Variants in PIGN observed in about 807,000 individuals in gnomAD.
PIGN encodes the protein phosphatidylinositol glycan anchor biosynthesis class N.
Under a neutral mutation model 125.4 loss-of-function variants are expected in PIGN, and 117 were observed. That is an observed-to-expected ratio of 0.93 (90% CI 0.80 to 1.09). The LOEUF is 1.09. PIGN is among the 50% of genes least tolerant of loss of function. The pLI, the probability that PIGN is intolerant of heterozygous loss-of-function variation, is 0.00. For synonymous variants in PIGN, 392 were observed against 377.8 expected, an observed-to-expected ratio of 1.04 and a Z score of -0.44; for missense variants, 1,075 against 1,094.9, an observed-to-expected ratio of 0.98 and a Z score of 0.26.
intron 12 of PIGN, 121 bp downstream of exon 12, chr18:62,140,299 T>C (rs1055629074): frequency 1.2e-5 from 6 of 493,866 alleles, no homozygotes; most frequent in African/African-American, 6.1e-5. Context: ...CTGGGCAACA[T>C]AGCAAGACCC....
At chr18:62,079,902 G>C (rs2033366096) in intron 28 of PIGN, among the ~76,000 whole-genome samples, 1 of 152,068 alleles carries the variant, frequency 6.6e-6, no homozygotes, top group Non-Finnish European at 1.5e-5. Flanking sequence ...TGATTTAATA[G>C]AGTACCCACA....
At chr18:62,081,631 T>C (rs943343229) in intron 28 of PIGN, among the ~76,000 whole-genome samples, 1 of 152,148 alleles carries the variant, frequency 6.6e-6, no homozygotes, top group Non-Finnish European at 1.5e-5. Context: ...TCATTCCACA[T>C]GTCCCCAGCT....
intron 14 of PIGN, chr18:62,137,098 C>A: frequency 2.5e-6 from 1 of 398,640 alleles, no homozygotes; most frequent in South Asian, 1.3e-4. Context: ...ATCATCTAAT[C>A]AGCTGCCAGC....
chr18:62,185,918 C>T (rs1458651883), intron 1 of PIGN, among the ~76,000 whole-genome samples: 1 of 152,124 alleles, frequency 6.6e-6, no homozygotes, highest in Non-Finnish European at 1.5e-5. Context: ...GTTCTAAGTT[C>T]CAAAACCTTG....
At chr18:62,048,369 C>G (rs558675832) in intron 30 of PIGN, among the ~76,000 whole-genome samples, 2 of 152,028 alleles carry the variant, frequency 1.3e-5, no homozygotes, top group African/African-American at 2.4e-5. Flanking sequence ...AAGGTAAACC[C>G]AAAGCAATCC....
chr18:62,160,122 A>G (rs2036893236), intron 4 of PIGN, among the ~76,000 whole-genome samples: 1 of 152,162 alleles, frequency 6.6e-6, no homozygotes, highest in Non-Finnish European at 1.5e-5. Flanking sequence ...CAAAAAAAAG[A>G]AAAAGAAAAA....
chr18:62,156,126 GAAAAT>G (rs1220915971), intron 6 of PIGN, among the ~76,000 whole-genome samples: 1 of 151,984 alleles, frequency 6.6e-6, no homozygotes, highest in Non-Finnish European at 1.5e-5. Flanking sequence ...ACTGATTTTA[GAAAAT>G]AATATAAATG....
At chr18:62,141,159 T>C (rs1038251696) in intron 11 of PIGN, among the ~76,000 whole-genome samples, 1 of 152,228 alleles carries the variant, frequency 6.6e-6, no homozygotes, top group Non-Finnish European at 1.5e-5. Context: ...TAAGTCCTTA[T>C]AATTTTTCAG....
intron 10 of PIGN, 23 bp from the exon 11 acceptor site, chr18:62,143,369 A>C (rs2036205807): frequency 7.1e-7 from 1 of 1,415,568 alleles, no homozygotes; most frequent in African/African-American, 1.4e-5. Flanking sequence ...ATCAGACACA[A>C]GATCTGATGT....
intron 1 of PIGN, among the ~76,000 whole-genome samples, chr18:62,170,638 G>T (rs940666485): frequency 1.3e-5 from 2 of 152,052 alleles, no homozygotes; most frequent in Non-Finnish European, 2.9e-5. Context: ...ACCCTACAAT[G>T]GCATCCTAAG....
chr18:62,158,271 T>C (rs931844), intron 4 of PIGN, among the ~76,000 whole-genome samples: 82,114 of 152,044 alleles, frequency 0.54, 24,256 homozygotes, highest in East Asian at 0.78. Flanking sequence ...CATACATGGG[T>C]ACCCCTGTGG....
chr18:62,104,622 A>G (rs2034568661), intron 20 of PIGN, among the ~76,000 whole-genome samples: 1 of 152,172 alleles, frequency 6.6e-6, no homozygotes. Flanking sequence ...TTCCTGGTCT[A>G]TTGCATATTG....
At chr18:62,125,155 CATGTTTGTACATATGTGTATATAA>C (rs2035477204) in intron 14 of PIGN, among the ~76,000 whole-genome samples, 21 of 53,942 alleles carry the variant, frequency 3.9e-4, no homozygotes, top group Admixed American at 9.4e-4. Flanking sequence ...TGTGTATATA[CATGTTTGTACATATGTGTATATAA>C]ATATACACGT....
chr18:62,103,523 T>C (rs1182290125), intron 20 of PIGN: 3 of 152,202 alleles, frequency 2.0e-5, no homozygotes, highest in East Asian at 1.9e-4. Context: ...AGGTATAGTA[T>C]GTTTCCTAAA....
At chr18:62,056,168 A>AAATGC (rs2031714249) in intron 30 of PIGN, among the ~76,000 whole-genome samples, 1 of 151,382 alleles carries the variant, frequency 6.6e-6, no homozygotes, top group Non-Finnish European at 1.5e-5. Flanking sequence ...AGCAAAACCA[A>AAATGC]AATGCCAAAG....
chr18:62,020,358 T>C (rs1196300339), intron 23 of PIGN, among the ~76,000 whole-genome samples: 2 of 152,186 alleles, frequency 1.3e-5, no homozygotes, highest in East Asian at 1.9e-4. Context: ...TTCAACTCTG[T>C]AGCATTCATA....
intron 1 of PIGN, among the ~76,000 whole-genome samples, chr18:62,185,675 A>G (rs1328363612): frequency 3.4e-5 from 1 of 29,092 alleles, no homozygotes; most frequent in African/African-American, 7.4e-5. Context: ...CCTGTACACT[A>G]AGAAAGGAAA....
chr18:62,088,711 A>C, intron 25 of PIGN, 45 bp downstream of exon 25: 1 of 992,856 alleles, frequency 1.0e-6, no homozygotes, highest in East Asian at 2.6e-5. Context: ...TACTCCATTA[A>C]GTGGGAGTTG....
At chr18:62,141,673 C>T (rs1000667388) in intron 11 of PIGN, among the ~76,000 whole-genome samples, 6 of 152,208 alleles carry the variant, frequency 3.9e-5, no homozygotes, top group African/African-American at 1.4e-4. Context: ...ATCTCTTCTC[C>T]ATGCTGCAGC....
Sources: allele counts gnomAD v4.1 joint callset (sites outside exome capture counted in the v4.1 genomes callset), GRCh38; gene constraint gnomAD v4.1.1; transcripts MANE v1.5; gene names NCBI Gene and HGNC (gene_info 2026-07-23, HGNC 2026-07-21).